Variants in ENAM observed in about 807,000 individuals in gnomAD.
ENAM encodes enamelin, also known as amelogenesis imperfecta 2, hypocalcification (autosomal dominant).
In ENAM, 21 loss-of-function variants were observed where a neutral mutation model predicts 33.6. The observed-to-expected ratio is 0.63, with a 90% confidence interval of 0.44 to 0.90. The LOEUF is 0.90. Ranked by LOEUF, ENAM falls within the 40% of genes least tolerant of loss-of-function variation. ENAM has a pLI of 0.00. For missense variants in ENAM, 1,388 were observed against 1,366.9 expected (o/e 1.02, Z -0.24); for synonymous variants, 473 against 468.4 (o/e 1.01, Z -0.13).
At position 70,644,946 on chromosome 4, in the gene ENAM, A is replaced by C; in HGVS notation, c.*91A>C. ...AAATTTTTTCCCCAAGACTTAATTAAGTGTCTGACTGTCTTGGTGATCCTT... is the reference window on the plus strand; with the variant it reads ...AAATTTTTTCCCCAAGACTTAATTACGTGTCTGACTGTCTTGGTGATCCTT... On this transcript the variant is annotated 3_prime_UTR_variant, in exon 9 of 9. Transcript: ENST00000396073. 1 of 1,049,546 alleles carries C rather than the reference A, an allele frequency of 9.5e-7. No homozygotes were observed. The highest frequency in any genetic ancestry group is 1.5e-6 in the Non-Finnish European group (1 of 679,726). 65.0% of individuals were successfully genotyped at this position (1,049,546 alleles called of 1,614,324 possible).
chr4:70,642,180 A>C lies in ENAM; in HGVS notation c.754A>C (p.Asn252His), dbSNP rs1322823395. The change falls in exon 9 of 9, where the codon AAT (asparagine) becomes CAT (histidine). Residue 252 changes from asparagine (N) to histidine (H), a missense_variant. By Grantham distance (68) the Asn-to-His change is moderately conservative. Transcript: ENST00000396073. ...PTANSTVTET[N>H]STQPNPKGSQ... ...AGCTAATTCAACAGTCACTGAGACG[A>C]ATTCTACCCAACCAAATCCTAAAGG... 7.4e-6 allele frequency: 12 copies of C among 1,614,090 alleles called. No individual in the cohort carries two copies. The South Asian group carries it at 1.3e-4, about 18-fold the overall frequency.
intron 2 of ENAM, 140 bp downstream of exon 2, chr4:70,629,694 G>A (rs564475011): frequency 9.1e-6 from 7 of 772,126 alleles, no homozygotes; most frequent in East Asian, 2.5e-5. Flanking sequence ...TGGAATGGAA[G>A]AAGAACTTAC....
chr4:70,631,595 T>C (rs1309063007), intron 2 of ENAM, 75 bp from the exon 3 acceptor site: 3 of 1,061,876 alleles, frequency 2.8e-6, no homozygotes, highest in South Asian at 2.5e-5. Flanking sequence ...AGTAGGCTAG[T>C]ACTTAGATAA....
At position 70,632,704 on chromosome 4, in the gene ENAM, T is replaced by C; in HGVS notation, c.210+12T>C. ...TGAACGGCCCACATGTAAGTTTTTC[T>C]TTATGTTATTTCTGATGATTTCTTG... On this transcript the variant is annotated intron_variant, in intron 5 of 8. Coordinates refer to ENST00000396073, the MANE Select transcript of ENAM (RefSeq NM_031889.3). 6.4e-7 allele frequency: 1 copy of C among 1,571,946 alleles called. No homozygotes were observed. Among genetic ancestry groups the C allele is most frequent in the Non-Finnish European group, 8.8e-7 (1 of 1,141,766 alleles).
chr4:70,640,291 G>T (rs554993467), intron 8 of ENAM, among the ~76,000 whole-genome samples: 1 of 152,196 alleles, frequency 6.6e-6, no homozygotes, highest in Non-Finnish European at 1.5e-5. Flanking sequence ...TACTGCTGTG[G>T]ACTCCTAGGA....
intron 6 of ENAM, 34 bp from the exon 7 acceptor site, chr4:70,635,798 T>C (rs1375923802): frequency 1.5e-6 from 2 of 1,353,250 alleles, no homozygotes; most frequent in Non-Finnish European, 2.1e-6. Flanking sequence ...TTCTTTTCAA[T>C]ACCACATCAC....
chr4:70,629,514 G>A lies in ENAM; in HGVS notation c.14G>A (p.Arg5Gln), dbSNP rs775804067. The A allele has an allele frequency of 1.9e-5, 30 of 1,613,014 alleles. No individual in the cohort carries two copies. In the East Asian group the frequency reaches 2.5e-4, roughly 13 times the overall value. ...TTGCTGAAAAAAATGTTGGTGCTTC[G>A]GTGCAGGCTTGGAACCTCTTTTCCT... MLVL[R>Q]CRLGTSFPKL... The change falls in exon 2 of 9, where the codon CGG (arginine) becomes CAG (glutamine). Residue 5 changes from arginine (R) to glutamine (Q), a missense_variant. Physicochemically the swap from Arg to Gln is conservative, Grantham distance 43 (BLOSUM62 1). Coordinates refer to ENST00000396073, the MANE Select transcript of ENAM (RefSeq NM_031889.3).
At chr4:70,630,937 T>C (rs1738298109) in intron 2 of ENAM, among the ~76,000 whole-genome samples, 1 of 152,126 alleles carries the variant, frequency 6.6e-6, no homozygotes, top group Non-Finnish European at 1.5e-5. Context: ...AGACAAGGTT[T>C]CACCATGTTG....
intron 8 of ENAM, 111 bp from the exon 9 acceptor site, chr4:70,641,904 G>A (rs969325389): frequency 1.2e-6 from 1 of 811,876 alleles, no homozygotes; most frequent in African/African-American, 1.7e-5. Context: ...AGCTAATGAT[G>A]TTAAAAGAAT....
At chr4:70,639,819 T>G (rs964549148) in intron 8 of ENAM, among the ~76,000 whole-genome samples, 1 of 151,954 alleles carries the variant, frequency 6.6e-6, no homozygotes, top group African/African-American at 2.4e-5. Flanking sequence ...AGCCTGGGAA[T>G]TCAAGGCTGC....
chr4:70,645,262 C>G lies in ENAM; in HGVS notation c.*407C>G. ...ATGGAGATCCACACATCAGTATAGT[C>G]CTGATGCACTGTACGTTTTTTGCTT... On this transcript the variant is annotated 3_prime_UTR_variant, in exon 9 of 9. Transcript: ENST00000396073. 1 of 248,048 alleles carries G rather than the reference C, an allele frequency of 4.0e-6. No homozygotes were observed. The highest frequency in any genetic ancestry group is 5.0e-5 in the Admixed American group (1 of 20,056). The allele number at this position is 248,048 out of a possible 1,614,324, so 15.4% of individuals were successfully genotyped here.
Position 70,642,260 on chromosome 4 carries a change from C to T in ENAM, c.834C>T (p.Asn278=), listed in dbSNP as rs749250006. 6.2e-7 allele frequency: 1 copy of T among 1,614,164 alleles called. No homozygotes were observed. Among genetic ancestry groups the T allele is most frequent in the Non-Finnish European group, 8.5e-7 (1 of 1,180,008 alleles). ...SPTGNSTPGL[N]TGNNPPAQNG... ...CAGGAAACAGTACCCCAGGACTAAA[C>T]ACTGGGAACAACCCTCCAGCTCAAA... The change falls in exon 9 of 9, where the codon AAC becomes AAT. Residue 278 remains asparagine (N), a synonymous_variant. Coordinates refer to ENST00000396073, the MANE Select transcript of ENAM (RefSeq NM_031889.3).
chr4:70,637,598 C>T, intron 7 of ENAM, 192 bp from the exon 8 acceptor site: 1 of 615,076 alleles, frequency 1.6e-6, no homozygotes, highest in Non-Finnish European at 2.9e-6. Context: ...TTGTATTTAC[C>T]AGTATTCACT....
chr4:70,641,978 A>C (rs1178477118), intron 8 of ENAM, 37 bp from the exon 9 acceptor site: 1 of 1,505,932 alleles, frequency 6.6e-7, no homozygotes, highest in Admixed American at 1.7e-5. Context: ...GGTGGGAAAC[A>C]AAGGGCAATT....
chr4:70,643,635 A>G lies in ENAM; in HGVS notation c.2209A>G (p.Met737Val), dbSNP rs1206067344. Residue 737 changes from methionine (M) to valine (V), a missense_variant, in exon 9 of 9, where the codon ATG (methionine) becomes GTG (valine). Transcript: ENST00000396073. The stretch of plus-strand genomic sequence containing the variant: ...TCCATCATATAATACAGCTTCTACT[A>G]TGCCACCACCTATAGAGAGCAGGGG... ...NFPSYNTAST[M>V]PPPIESRGYY... 1 of 1,614,180 alleles carries G rather than the reference A, an allele frequency of 6.2e-7. No individual in the cohort carries two copies. The highest frequency in any genetic ancestry group is 8.5e-7 in the Non-Finnish European group (1 of 1,180,024).
At chr4:70,641,133 T>C (rs754076789) in intron 8 of ENAM, among the ~76,000 whole-genome samples, 26 of 152,250 alleles carry the variant, frequency 1.7e-4, no homozygotes, top group Admixed American at 7.2e-4. Context: ...CAGATAGTGG[T>C]GAATGTTGCT....
chr4:70,643,452 A>G lies in ENAM; in HGVS notation c.2026A>G (p.Ser676Gly). The part of the protein sequence containing the change: ...PGQNRWGEEL[S>G]FKGGPTVRHY... ...ACAAAATAGATGGGGTGAAGAGTTGAGCTTCAAAGGAGGCCCAACAGTTAG... is the reference window on the plus strand; with the variant it reads ...ACAAAATAGATGGGGTGAAGAGTTGGGCTTCAAAGGAGGCCCAACAGTTAG... Residue 676 changes from serine to glycine, a missense_variant, in exon 9 of 9, where the codon AGC becomes GGC. Physicochemically the swap from Ser to Gly is moderately conservative, Grantham distance 56 (BLOSUM62 0). Transcript: ENST00000396073. 6.2e-7 allele frequency: 1 copy of G among 1,614,136 alleles called. No individual in the cohort carries two copies. Among genetic ancestry groups the G allele is most frequent in the Non-Finnish European group, 8.5e-7 (1 of 1,179,980 alleles).
chr4:70,637,630 G>C lies in ENAM; in HGVS notation c.535-160G>C, dbSNP rs929911695. ...CACTGTTAGATCATAATTCTTAGCA[G>C]CTGGACTGTGAGAGCTAATAACTCA... On this transcript the variant is annotated intron_variant, in intron 7 of 8. Transcript: ENST00000396073. 4.3e-6 allele frequency: 3 copies of C among 694,124 alleles called. No homozygotes were observed. The African/African-American group carries it at 5.2e-5, about 12-fold the overall frequency. The allele number at this position is 694,124 out of a possible 1,614,324, so 43.0% of individuals were successfully genotyped here.
chr4:70,641,422 G>A lies in ENAM; in HGVS notation c.589-593G>A, dbSNP rs369713668. 5.6e-5 allele frequency among the ~76,000 whole-genome samples: 8 copies of A among 142,420 alleles called. No individual in the cohort carries two copies. The East Asian group carries it at 6.0e-4, about 11-fold the overall frequency. 93.4% of individuals were successfully genotyped at this position (142,420 alleles called of 152,430 possible). On this transcript the variant is annotated intron_variant, in intron 8 of 8. Coordinates refer to ENST00000396073, the MANE Select transcript of ENAM (RefSeq NM_031889.3). ...ATTTTTTTTTTTGAGATGGAGTCTC[G>A]CTGTTGCCAGGCTGGAATGCAGTGA...
Sources: gnomAD v4.1 joint callset for allele counts (sites outside exome capture counted in the v4.1 genomes callset) on GRCh38, gnomAD v4.1.1 for gene constraint, MANE v1.5 for transcripts, NCBI Gene and HGNC (gene_info 2026-07-23, HGNC 2026-07-21) for gene names.